Variants in PSD3 observed in about 807,000 individuals in gnomAD.
PSD3 encodes the protein pleckstrin and Sec7 domain containing 3.
In PSD3, 49 loss-of-function variants were observed where a neutral mutation model predicts 105.5. The ratio of observed to expected loss-of-function variants is 0.46; its 90% CI spans 0.37 to 0.59. The LOEUF (loss-of-function observed/expected upper bound fraction) is 0.59, where lower values mean the gene tolerates loss of function less well. Among genes scored for constraint, PSD3 ranks in the 20% least tolerant of loss-of-function variants. PSD3 has a pLI of 0.00. For synonymous variants in PSD3, 557 were observed against 457.8 expected (o/e 1.22, Z -2.77); for missense variants, 1,561 against 1,263.8 (o/e 1.24, Z -3.57).
intron 9 of PSD3, among the ~76,000 whole-genome samples, chr8:18,712,550 C>T (rs12548506): frequency 0.014 from 2,168 of 152,226 alleles, 24 homozygotes; most frequent in African/African-American, 0.028. Flanking sequence ...GACACATACA[C>T]ACATACACCT....
chr8:18,757,357 G>A (rs949358807), intron 9 of PSD3, among the ~76,000 whole-genome samples: 3 of 151,806 alleles, frequency 2.0e-5, no homozygotes, highest in Non-Finnish European at 4.4e-5. Context: ...CCAGCTACTC[G>A]GGAGGCTGTG....
rs527777708 is a variant in PSD3 at position 18,642,818 on chromosome 8, C to A, written c.2217-10012G>T. 2.6e-5 allele frequency among the ~76,000 whole-genome samples: 4 copies of A among 152,284 alleles called. No individual in the cohort carries two copies. The East Asian group carries it at 5.8e-4, about 22-fold the overall frequency. On this transcript the variant is annotated intron_variant, in intron 10 of 15. Transcript: ENST00000327040. Reference sequence around the variant, plus strand: ...ATTATCAAGAGAAATGCCACTTAGACATGAAGCAAACAATGTATTGTCATT... The same window carrying A: ...ATTATCAAGAGAAATGCCACTTAGAAATGAAGCAAACAATGTATTGTCATT...
At chr8:18,578,519 T>C (rs962064306) in intron 12 of PSD3, among the ~76,000 whole-genome samples, 1 of 152,078 alleles carries the variant, frequency 6.6e-6, no homozygotes, top group Non-Finnish European at 1.5e-5. Context: ...TATGTAACCG[T>C]TGGGATGGTT....
intron 9 of PSD3, among the ~76,000 whole-genome samples, chr8:18,758,929 T>G (rs1806280520): frequency 6.6e-6 from 1 of 152,132 alleles, no homozygotes; most frequent in Non-Finnish European, 1.5e-5. Flanking sequence ...ACAAATGTAT[T>G]TGAATGACAA....
chr8:18,799,352 A>G lies in PSD3; in HGVS notation c.2025T>C (p.Asp675=). ...TTGCACAGGTAAGGCAATGGACTCCATCTAAAGAAAGATACAAGAAAAAAA... is the reference window on the plus strand; with the variant it reads ...TTGCACAGGTAAGGCAATGGACTCCGTCTAAAGAAAGATACAAGAAAAAAA... ...YCNPDTIASQ[D]GVHCLTCAIM... Residue 675 remains aspartate (D), a splice_region_variant and synonymous_variant, in exon 8 of 16, where the codon GAT becomes GAC. Coordinates refer to ENST00000327040, the MANE Select transcript of PSD3 (RefSeq NM_015310.4). The G allele has an allele frequency of 6.3e-7, 1 of 1,597,486 alleles. No homozygotes were observed.
At chr8:18,954,929 C>A (rs189944685) in intron 1 of PSD3, among the ~76,000 whole-genome samples, 7 of 152,190 alleles carry the variant, frequency 4.6e-5, no homozygotes, top group African/African-American at 1.7e-4. Context: ...AGTGACGTCA[C>A]GTTAGGATGG....
intron 3 of PSD3, 58 bp downstream of exon 3, chr8:18,871,568 C>A: frequency 6.6e-7 from 1 of 1,521,258 alleles, no homozygotes; most frequent in Non-Finnish European, 8.8e-7. Flanking sequence ...TACAGGATAA[C>A]AGTTTTCTAT....
At chr8:19,019,046 C>T (rs563938517) in intron 1 of PSD3, among the ~76,000 whole-genome samples, 37 of 152,286 alleles carry the variant, frequency 2.4e-4, no homozygotes, top group Admixed American at 2.3e-3. Context: ...CTGCCCACCT[C>T]GGTCTCCCAA....
At chr8:18,584,719 A>G (rs13281412) in intron 12 of PSD3, among the ~76,000 whole-genome samples, 14,657 of 152,254 alleles carry the variant, frequency 0.096, 930 homozygotes, top group South Asian at 0.17. Flanking sequence ...TATGAAATAT[A>G]CAGAAATGCT....
intron 8 of PSD3, among the ~76,000 whole-genome samples, chr8:18,782,166 A>AT (rs1158406594): frequency 3.3e-5 from 5 of 151,718 alleles, no homozygotes; most frequent in South Asian, 2.1e-4. Context: ...TATTTCATAG[A>AT]TTTTTTTTAA....
intron 8 of PSD3, 29 bp from the exon 9 acceptor site, chr8:18,765,567 A>G: frequency 6.8e-7 from 1 of 1,464,932 alleles, no homozygotes; most frequent in Non-Finnish European, 9.6e-7. Flanking sequence ...GTACATCACT[A>G]TGACATTCAT....
chr8:18,618,620 G>C (rs1805874142), intron 11 of PSD3, among the ~76,000 whole-genome samples: 3 of 140,798 alleles, frequency 2.1e-5, no homozygotes, highest in Non-Finnish European at 5.0e-5. Context: ...ACCAGGCAGT[G>C]TACTACACAC....
intron 9 of PSD3, among the ~76,000 whole-genome samples, chr8:18,690,416 T>G (rs981499960): frequency 1.3e-5 from 2 of 152,242 alleles, no homozygotes; most frequent in Non-Finnish European, 2.9e-5. Context: ...ACAGATACAT[T>G]GGATCAAAAC....
chr8:18,771,326 T>C (rs1384562730), intron 8 of PSD3, among the ~76,000 whole-genome samples: 1 of 152,232 alleles, frequency 6.6e-6, no homozygotes, highest in African/African-American at 2.4e-5. Flanking sequence ...CCCTGCCTCT[T>C]GTCCCTATCA....
At chr8:18,855,073 G>C (rs182433248) in intron 4 of PSD3, among the ~76,000 whole-genome samples, 2 of 152,332 alleles carry the variant, frequency 1.3e-5, no homozygotes, top group African/African-American at 2.4e-5. Flanking sequence ...AGCCCTAACA[G>C]GGATAGGAGA....
At chr8:18,759,092 A>ACACACACACACACACACTCTCTCTCTCT (rs756248977) in intron 9 of PSD3, among the ~76,000 whole-genome samples, 3 of 143,864 alleles carry the variant, frequency 2.1e-5, no homozygotes, top group African/African-American at 7.6e-5. Context: ...ACACACACAC[A>ACACACACACACACACACTCTCTCTCTCT]CTCTCTCTCT....
chr8:19,040,430 T>C (rs11204017), intron 1 of PSD3, among the ~76,000 whole-genome samples: 20,861 of 152,094 alleles, frequency 0.14, 1,829 homozygotes, highest in East Asian at 0.24. Context: ...GGTCTCGAAC[T>C]CCTGCGCTCA....
At chr8:18,764,338 T>A (rs1451967708) in intron 9 of PSD3, among the ~76,000 whole-genome samples, 1 of 152,170 alleles carries the variant, frequency 6.6e-6, no homozygotes, top group Non-Finnish European at 1.5e-5. Context: ...ACCATTTATC[T>A]CCCGCTCCCA....
intron 9 of PSD3, among the ~76,000 whole-genome samples, chr8:18,717,661 G>A (rs1266446656): frequency 6.6e-6 from 1 of 152,020 alleles, no homozygotes; most frequent in Non-Finnish European, 1.5e-5. Context: ...CACAATACTG[G>A]CTTTGATGAA....
Sources: allele counts gnomAD v4.1 joint callset (sites outside exome capture counted in the v4.1 genomes callset), GRCh38; gene constraint gnomAD v4.1.1; transcripts MANE v1.5; gene names NCBI Gene and HGNC (gene_info 2026-07-23, HGNC 2026-07-21).